The following LRRC4C variants were observed in gnomAD, a reference collection of about 807,000 sequenced individuals.
LRRC4C encodes the protein leucine rich repeat containing 4C, also known as leucine-rich repeat-containing protein 4C.
A neutral mutation model predicts 33.6 loss-of-function variants in LRRC4C; 5 were observed. The ratio of observed to expected loss-of-function variants is 0.15; its 90% CI spans 0.08 to 0.31. The LOEUF (loss-of-function observed/expected upper bound fraction) is 0.31. Ranked by LOEUF, LRRC4C falls within the 10% of genes least tolerant of loss-of-function variation. The pLI is 1.00. For synonymous variants in LRRC4C, 329 were observed against 302.0 expected (o/e 1.09, Z -0.93); for missense variants, 560 against 796.7 (o/e 0.70, Z 3.58).
chr11:40,586,729 G>A (rs1034316451), intron 3 of LRRC4C, among the ~76,000 whole-genome samples: 3 of 150,330 alleles, frequency 2.0e-5, no homozygotes, highest in African/African-American at 7.4e-5. Context: ...TATTAAATAG[G>A]GAAGCCTTTC....
At chr11:40,821,801 A>C (rs897782854) in intron 2 of LRRC4C, among the ~76,000 whole-genome samples, 1 of 151,772 alleles carries the variant, frequency 6.6e-6, no homozygotes, top group African/African-American at 2.4e-5. Flanking sequence ...ATTCTTGAAC[A>C]GTAAAAGGAC....
rs7949676 is a variant in LRRC4C at position 40,198,280 on chromosome 11, C to T, written c.-96+43239G>A. 6.6e-5 allele frequency among the ~76,000 whole-genome samples: 10 copies of T among 152,248 alleles called. No homozygotes were observed. In the East Asian group the frequency reaches 7.7e-4, roughly 12 times the overall value. On this transcript the variant is annotated intron_variant, in intron 5 of 6. Transcript: ENST00000528697. ...TACAACTGTGTACCCACTTATGTAC[C>T]GTAAAATAGTGAAGTCTGATTCTAA...
intron 2 of LRRC4C, among the ~76,000 whole-genome samples, chr11:40,888,494 G>A (rs948687776): frequency 6.6e-6 from 1 of 151,908 alleles, no homozygotes; most frequent in African/African-American, 2.4e-5. Flanking sequence ...GCAGAATGTT[G>A]AACCAGTTTT....
chr11:40,197,557 T>G (rs1862363452), intron 5 of LRRC4C, among the ~76,000 whole-genome samples: 2 of 152,206 alleles, frequency 1.3e-5, no homozygotes, highest in African/African-American at 4.8e-5. Flanking sequence ...ATCCAAATTC[T>G]CCCATCGCTA....
intron 4 of LRRC4C, among the ~76,000 whole-genome samples, chr11:40,255,015 C>T (rs962798789): frequency 1.3e-4 from 20 of 152,206 alleles, no homozygotes; most frequent in Admixed American, 1.2e-3. Context: ...GGTTTCTATG[C>T]TGCCCAGGCT....
intron 1 of LRRC4C, among the ~76,000 whole-genome samples, chr11:41,135,264 T>C (rs1241618686): frequency 6.6e-6 from 1 of 152,138 alleles, no homozygotes; most frequent in East Asian, 1.9e-4. Context: ...AGCTTGTCTT[T>C]CAGGCTTCAG....
At chr11:41,248,355 G>A (rs1259766614) in intron 1 of LRRC4C, among the ~76,000 whole-genome samples, 3 of 152,046 alleles carry the variant, frequency 2.0e-5, no homozygotes, top group African/African-American at 7.2e-5. Flanking sequence ...TACATACAAA[G>A]GATTCTTGAT....
At chr11:40,166,589 CATAAAT>C (rs1481287071) in intron 5 of LRRC4C, among the ~76,000 whole-genome samples, 2 of 152,012 alleles carry the variant, frequency 1.3e-5, no homozygotes, top group African/African-American at 2.4e-5. Context: ...GAATATTTCA[CATAAAT>C]ATAATTTTTT....
chr11:41,364,016 A>G (rs1298115695), intron 1 of LRRC4C, among the ~76,000 whole-genome samples: 1 of 152,170 alleles, frequency 6.6e-6, no homozygotes, highest in Non-Finnish European at 1.5e-5. Flanking sequence ...CCTTGAAAAT[A>G]AAAGTTCCAA....
intron 3 of LRRC4C, among the ~76,000 whole-genome samples, chr11:40,527,776 G>A (rs1956114421): frequency 6.6e-6 from 1 of 151,546 alleles, no homozygotes; most frequent in African/African-American, 2.4e-5. Context: ...TTGGCAGAGT[G>A]TCACTCTTGT....
chr11:40,928,017 A>C (rs1957468139), intron 2 of LRRC4C, among the ~76,000 whole-genome samples: 1 of 152,082 alleles, frequency 6.6e-6, no homozygotes, highest in Admixed American at 6.5e-5. Flanking sequence ...TATGACCTAA[A>C]ACATTATTTA....
chr11:40,989,749 T>C (rs1853367487), intron 1 of LRRC4C, among the ~76,000 whole-genome samples: 1 of 152,146 alleles, frequency 6.6e-6, no homozygotes, highest in Non-Finnish European at 1.5e-5. Flanking sequence ...GTAGTTGTTT[T>C]CACACGTCAA....
chr11:40,618,012 A>C (rs1464418295), intron 3 of LRRC4C, among the ~76,000 whole-genome samples: 3 of 151,636 alleles, frequency 2.0e-5, no homozygotes, highest in Admixed American at 6.6e-5. Flanking sequence ...CATCTGAAAA[A>C]GTTAGTAATA....
At chr11:40,790,699 C>A (rs1425767645) in intron 2 of LRRC4C, among the ~76,000 whole-genome samples, 3 of 152,182 alleles carry the variant, frequency 2.0e-5, no homozygotes, top group Non-Finnish European at 4.4e-5. Context: ...GGGACTAGAT[C>A]CTATGTGTTT....
chr11:40,130,957 G>C (rs1474246202), intron 6 of LRRC4C, among the ~76,000 whole-genome samples: 1 of 151,972 alleles, frequency 6.6e-6, no homozygotes, highest in Non-Finnish European at 1.5e-5. Context: ...CAGCCTTATT[G>C]ATCAGTATAA....
At chr11:40,372,356 T>C (rs1230154228) in intron 3 of LRRC4C, among the ~76,000 whole-genome samples, 3 of 152,138 alleles carry the variant, frequency 2.0e-5, no homozygotes, top group Admixed American at 2.0e-4. Flanking sequence ...TTCAAAAATC[T>C]CTGCCAGATA....
In LRRC4C at chr11:41,059,099, C is replaced by T. The variant is rs528032896; in HGVS notation, c.-495-125376G>A. Among the ~76,000 whole-genome samples, 339 of 151,838 alleles carry T rather than the reference C, an allele frequency of 2.2e-3. 1 individual carries two copies. In the South Asian group the frequency reaches 0.032, roughly 14 times the overall value. ...GGGTAAAGAAAAAAAGACTACCTAACAGATACTATGCTTATTACCTAGATG... is the reference window on the plus strand; with the variant it reads ...GGGTAAAGAAAAAAAGACTACCTAATAGATACTATGCTTATTACCTAGATG... On this transcript the variant is annotated intron_variant, in intron 1 of 6. Coordinates refer to ENST00000528697, the MANE Select transcript of LRRC4C (RefSeq NM_001258419.2).
At chr11:41,076,675 G>A (rs542328487) in intron 1 of LRRC4C, among the ~76,000 whole-genome samples, 2 of 152,226 alleles carry the variant, frequency 1.3e-5, no homozygotes, top group African/African-American at 2.4e-5. Flanking sequence ...GGGCCACAGA[G>A]CCAAACCACA....
intron 3 of LRRC4C, among the ~76,000 whole-genome samples, chr11:40,572,252 C>T (rs549573939): frequency 6.6e-6 from 1 of 152,266 alleles, no homozygotes; most frequent in South Asian, 2.1e-4. Flanking sequence ...GACTTTATCA[C>T]CAGCCTGGGA....
Sources: allele counts gnomAD v4.1 joint callset (sites outside exome capture counted in the v4.1 genomes callset), GRCh38; gene constraint gnomAD v4.1.1; transcripts MANE v1.5; gene names NCBI Gene and HGNC (gene_info 2026-07-23, HGNC 2026-07-21).